The following SPTA1 variants were observed in gnomAD, a reference collection of about 807,000 sequenced individuals.
SPTA1 encodes the protein spectrin alpha, erythrocytic 1, also known as spectrin alpha chain, erythrocytic 1.
SPTA1 carries 177 observed loss-of-function variants against 324.7 expected under a neutral mutation model. That is an observed-to-expected ratio of 0.55 (90% CI 0.48 to 0.62). SPTA1 has a LOEUF of 0.62. SPTA1 is among the 20% of genes least tolerant of loss of function. The pLI is 0.00. For synonymous variants in SPTA1, 1,195 were observed against 1,041.3 expected, an observed-to-expected ratio of 1.15 and a Z score of -2.84; for missense variants, 3,162 against 2,883.6, an observed-to-expected ratio of 1.10 and a Z score of -2.21.
At chr1:158,672,659 AT>A (rs1389721966) in intron 10 of SPTA1, among the ~76,000 whole-genome samples, 1 of 152,212 alleles carries the variant, frequency 6.6e-6, no homozygotes, top group Non-Finnish European at 1.5e-5. Context: ...AGAAGTTTGC[AT>A]TTTATTCCCA....
intron 17 of SPTA1, among the ~76,000 whole-genome samples, chr1:158,662,465 C>T (rs370881093): frequency 6.6e-6 from 1 of 152,314 alleles, no homozygotes; most frequent in African/African-American, 2.4e-5. Flanking sequence ...GCTGAGCACT[C>T]TACTCTTCCC....
At chr1:158,669,632 C>A (rs1284374325) in intron 13 of SPTA1, 69 bp from the exon 14 acceptor site, 2 of 1,613,292 alleles carry the variant, frequency 1.2e-6, no homozygotes, top group African/African-American at 2.7e-5. Context: ...CGCTGACCAC[C>A]CTGGTCACCA....
intron 41 of SPTA1, among the ~76,000 whole-genome samples, chr1:158,626,452 A>G (rs1201194256): frequency 6.6e-6 from 1 of 152,078 alleles, no homozygotes; most frequent in African/African-American, 2.4e-5. Context: ...ACTTCATAGA[A>G]AAAAAAAGAG....
intron 18 of SPTA1, among the ~76,000 whole-genome samples, chr1:158,659,536 ACT>A (rs1186533183): frequency 6.6e-6 from 1 of 151,310 alleles, no homozygotes; most frequent in Non-Finnish European, 1.5e-5. Context: ...GCTCTGGGAA[ACT>A]CCATTCTATG....
In SPTA1 at chr1:158,640,025, A is replaced by T; in HGVS notation, c.4738-18T>A. ...AGTTGCTCCTAACCCAAGGAGAGTGAGGAGTCATTACAATCTTTAGGATCC... is the reference window on the plus strand; with the variant it reads ...AGTTGCTCCTAACCCAAGGAGAGTGTGGAGTCATTACAATCTTTAGGATCC... On this transcript the variant is annotated intron_variant, in intron 33 of 51. Coordinates refer to ENST00000643759, the MANE Select transcript of SPTA1 (RefSeq NM_003126.4). 1.2e-6 allele frequency: 2 copies of T among 1,613,726 alleles called. No homozygotes were observed. The highest frequency in any genetic ancestry group is 1.7e-6 in the Non-Finnish European group (2 of 1,179,770).
chr1:158,615,171 A>T, intron 48 of SPTA1, 45 bp downstream of exon 48: 1 of 1,610,630 alleles, frequency 6.2e-7, no homozygotes, highest in Non-Finnish European at 8.5e-7. Flanking sequence ...CTAACACCTA[A>T]CACCACCTGC....
chr1:158,637,799 G>C (rs905907556), intron 36 of SPTA1, among the ~76,000 whole-genome samples: 3 of 152,194 alleles, frequency 2.0e-5, no homozygotes, highest in Non-Finnish European at 4.4e-5. Flanking sequence ...TTTTGTTCCT[G>C]TCATGTATGT....
At chr1:158,617,621 CA>C (rs1458016956) in intron 46 of SPTA1, 33 bp from the exon 47 acceptor site, 2 of 1,568,088 alleles carry the variant, frequency 1.3e-6, no homozygotes, top group African/African-American at 2.7e-5. Context: ...CATTATGCAT[CA>C]CATCACAGGT....
At chr1:158,622,245 T>G (rs1304259842) in intron 43 of SPTA1, among the ~76,000 whole-genome samples, 1 of 152,168 alleles carries the variant, frequency 6.6e-6, no homozygotes, top group Non-Finnish European at 1.5e-5. Context: ...ATTACATATT[T>G]ATATGGAATT....
rs369894033 is a variant in SPTA1 at position 158,615,303 on chromosome 1, C to T, written c.6701G>A (p.Ser2234Asn). 18 of 1,613,966 alleles carry T rather than the reference C, an allele frequency of 1.1e-5. No individual in the cohort carries two copies. The African/African-American group carries it at 2.3e-4, about 20-fold the overall frequency. Reference sequence around the variant, plus strand: ...CCACTGCTGAGCCAATCCAATGGTGCTGTATTTGATATCAAGGATCAGAGC... The same window carrying T: ...CCACTGCTGAGCCAATCCAATGGTGTTGTATTTGATATCAAGGATCAGAGC... ...EDALILDIKY[S>N]TIGLAQQWDQ... is the part of the protein sequence containing the mutation. The change falls in exon 48 of 52, where the codon AGC becomes AAC. Residue 2234 changes from serine to asparagine, a missense_variant. Transcript: ENST00000643759.
intron 43 of SPTA1, 85 bp downstream of exon 43, chr1:158,622,898 A>G (rs1650006443): frequency 1.1e-5 from 13 of 1,219,030 alleles, no homozygotes; most frequent in Non-Finnish European, 1.5e-5. Flanking sequence ...TATTATCCAA[A>G]CTGAGTTTCC....
chr1:158,614,538 A>C (rs558297239), intron 48 of SPTA1: 1 of 438,474 alleles, frequency 2.3e-6, no homozygotes, highest in South Asian at 4.3e-5. Context: ...AGACAATCAA[A>C]AGAAAATTTT....
intron 26 of SPTA1, among the ~76,000 whole-genome samples, chr1:158,648,272 A>G (rs1382291269): frequency 2.6e-5 from 4 of 152,186 alleles, no homozygotes; most frequent in African/African-American, 7.2e-5. Context: ...GCAAGGGGAT[A>G]TAGGGTGCTC....
intron 47 of SPTA1, among the ~76,000 whole-genome samples, chr1:158,617,222 C>G (rs1346075718): frequency 6.6e-6 from 1 of 152,124 alleles, no homozygotes. Flanking sequence ...TTTGTAGCCA[C>G]AAAACGTGAA....
At position 158,627,812 on chromosome 1, in the gene SPTA1, T is replaced by C. The variant is rs1253966621; in HGVS notation, c.5566-89A>G. ...TCAGACTCACGGGTCTATTATTCCC[T>C]AGGGTTGATTCAATGAAATTGGCAG... is the stretch of plus-strand genomic sequence containing the variant. On this transcript the variant is annotated intron_variant, in intron 39 of 51. Coordinates refer to ENST00000643759, the MANE Select transcript of SPTA1 (RefSeq NM_003126.4). 3.1e-6 allele frequency: 4 copies of C among 1,288,672 alleles called. No homozygotes were observed. The East Asian group carries it at 9.4e-5, about 30-fold the overall frequency. The allele number at this position is 1,288,672 out of a possible 1,614,324, so 79.8% of individuals were successfully genotyped here. A position where few individuals can be genotyped will look rare whatever the true frequency, so the allele number is the denominator to read the frequency against.
intron 51 of SPTA1, 109 bp downstream of exon 51, chr1:158,612,707 GA>G (rs796759062): frequency 5.9e-3 from 6,060 of 1,021,638 alleles, no homozygotes; most frequent in Non-Finnish European, 6.5e-3. Context: ...GGGGAGGTCT[GA>G]AAAAAAAAAA....
chr1:158,628,778 A>G (rs1027373946), intron 39 of SPTA1, among the ~76,000 whole-genome samples: 7 of 152,128 alleles, frequency 4.6e-5, no homozygotes, highest in Non-Finnish European at 1.0e-4. Flanking sequence ...AAAGAAATAA[A>G]AGAGATCACA....
intron 37 of SPTA1, 92 bp downstream of exon 37, chr1:158,636,549 T>G (rs1211623297): frequency 6.9e-7 from 1 of 1,454,172 alleles, no homozygotes; most frequent in Non-Finnish European, 9.6e-7. Flanking sequence ...CATCCTATTT[T>G]CACGTTTTGT....
At chr1:158,663,588 A>G (rs1432577438) in intron 16 of SPTA1, among the ~76,000 whole-genome samples, 1 of 152,182 alleles carries the variant, frequency 6.6e-6, no homozygotes, top group Non-Finnish European at 1.5e-5. Context: ...AAATAGATAC[A>G]ATAGGTACAC....
Sources: gnomAD v4.1 joint callset for allele counts (sites outside exome capture counted in the v4.1 genomes callset) on GRCh38, gnomAD v4.1.1 for gene constraint, MANE v1.5 for transcripts, NCBI Gene and HGNC (gene_info 2026-07-23, HGNC 2026-07-21) for gene names.